Variants in DIP2C observed in about 807,000 individuals in gnomAD.
DIP2C encodes DIP2 acetate--CoA ligase C (putative).
DIP2C carries 33 observed loss-of-function variants against 192.4 expected under a neutral mutation model. That is an observed-to-expected ratio of 0.17 (90% confidence interval 0.13 to 0.23). The LOEUF is 0.23. DIP2C is among the 10% of genes least tolerant of loss of function. The pLI is 1.00. For synonymous variants in DIP2C, 979 were observed against 864.1 expected, an observed-to-expected ratio of 1.13 and a Z score of -2.33; for missense variants, 1,537 against 2,110.1, an observed-to-expected ratio of 0.73 and a Z score of 5.32.
At chr10:674,061 T>C (rs1253772731) in intron 1 of DIP2C, among the ~76,000 whole-genome samples, 1 of 152,248 alleles carries the variant, frequency 6.6e-6, no homozygotes, top group Non-Finnish European at 1.5e-5. Context: ...TTCCTTTTCA[T>C]ATTAATTTGT....
chr10:302,697 C>T (rs1956109396), intron 32 of DIP2C, among the ~76,000 whole-genome samples: 1 of 152,168 alleles, frequency 6.6e-6, no homozygotes, highest in African/African-American at 2.4e-5. Context: ...GGCTGCACAC[C>T]TGGACAACAT....
intron 1 of DIP2C, among the ~76,000 whole-genome samples, chr10:488,205 C>T (rs372991620): frequency 6.6e-6 from 1 of 152,124 alleles, no homozygotes; most frequent in East Asian, 1.9e-4. Flanking sequence ...AACTTCCATG[C>T]CCCGCATTTT....
intron 32 of DIP2C, among the ~76,000 whole-genome samples, chr10:296,163 G>A (rs566615467): frequency 6.6e-6 from 1 of 152,276 alleles, no homozygotes; most frequent in Admixed American, 6.5e-5. Context: ...TGTTGCCATT[G>A]CTTTTGGTGT....
intron 22 of DIP2C, among the ~76,000 whole-genome samples, chr10:361,222 G>A (rs1959452648): frequency 6.6e-6 from 1 of 152,018 alleles, no homozygotes; most frequent in Non-Finnish European, 1.5e-5. Context: ...TTCATTTAAT[G>A]AAGTACATTA....
chr10:627,491 G>A (rs1168480679), intron 1 of DIP2C, among the ~76,000 whole-genome samples: 2 of 152,186 alleles, frequency 1.3e-5, no homozygotes, highest in African/African-American at 4.8e-5. Flanking sequence ...TCCAGCCGCC[G>A]GTTCTCACCA....
Position 573,740 on chromosome 10 carries a change from T to C in DIP2C, c.86-87210A>G, listed in dbSNP as rs1427081942. ...TTCCTCTTTTCTTTTTAAGTGATTA[T>C]GTGCTTCAGAGTCTTGTAGGTACTT... On this transcript the variant is annotated intron_variant, in intron 1 of 36. Transcript: ENST00000280886. 2.0e-5 allele frequency among the ~76,000 whole-genome samples: 3 copies of C among 152,286 alleles called. No homozygotes were observed. The East Asian group carries it at 5.8e-4, about 29-fold the overall frequency.
At chr10:615,634 A>G (rs372364704) in intron 1 of DIP2C, among the ~76,000 whole-genome samples, 1 of 146,496 alleles carries the variant, frequency 6.8e-6, no homozygotes, top group Non-Finnish European at 1.5e-5. Flanking sequence ...CACCCGCCCC[A>G]CACACACACA....
intron 10 of DIP2C, among the ~76,000 whole-genome samples, chr10:392,326 T>A (rs1332471887): frequency 6.6e-6 from 1 of 152,192 alleles, no homozygotes; most frequent in Non-Finnish European, 1.5e-5. Flanking sequence ...CTGAGGCCAG[T>A]CGCTCATGGC....
chr10:417,836 CTGT>C, intron 6 of DIP2C, among the ~76,000 whole-genome samples: 1 of 95,864 alleles, frequency 1.0e-5, no homozygotes, highest in African/African-American at 5.3e-5. Flanking sequence ...ACAGGCCTCC[CTGT>C]CCACCTGCAC....
chr10:597,096 C>CCCAGGGCT (rs766470616), intron 1 of DIP2C, among the ~76,000 whole-genome samples: 47 of 152,322 alleles, frequency 3.1e-4, no homozygotes, highest in African/African-American at 6.5e-4. Context: ...ACCCTGTCCA[C>CCCAGGGCT]CCAGGGCTCC....
rs1176457246 is a variant in DIP2C, at chr10:687,919, G to A, written c.85+1575C>T. Among the ~76,000 whole-genome samples the A allele has an allele frequency of 7.2e-5, 11 of 152,210 alleles. No homozygotes were observed. The East Asian group carries it at 1.9e-3, about 27-fold the overall frequency. ...GCTCTGCTGACCTGGATGGGGCACT[G>A]ACACTTCACATCAGTGTGATGCAGG... On this transcript the variant is annotated intron_variant, in intron 1 of 36. Transcript: ENST00000280886.
In DIP2C at chr10:519,130, G is replaced by A. The variant is rs372218545; in HGVS notation, c.86-32600C>T. ...AGCCATTAGGGGTGAGCCCAGCTGT[G>A]CACTGGAGTCCTTGGCTCAGGTAAC... On this transcript the variant is annotated intron_variant, in intron 1 of 36. Transcript: ENST00000280886. 2.4e-3 allele frequency among the ~76,000 whole-genome samples: 366 copies of A among 152,358 alleles called. 2 individuals are homozygous for A. Among genetic ancestry groups the A allele is most frequent in the Middle Eastern group, 0.014 (4 of 294 alleles).
At chr10:593,804 A>T (rs1176485182) in intron 1 of DIP2C, among the ~76,000 whole-genome samples, 1 of 152,152 alleles carries the variant, frequency 6.6e-6, no homozygotes, top group Non-Finnish European at 1.5e-5. Flanking sequence ...AGTAAAGTCC[A>T]CAAGAAAGGG....
At chr10:326,810 G>C (rs533500302) in intron 31 of DIP2C, among the ~76,000 whole-genome samples, 196 bp downstream of exon 31, 1 of 152,314 alleles carries the variant, frequency 6.6e-6, no homozygotes, top group Admixed American at 6.5e-5. Context: ...ATGAATGCTT[G>C]TTATGAATAA....
intron 1 of DIP2C, among the ~76,000 whole-genome samples, chr10:594,844 G>A (rs997681392): frequency 2.6e-5 from 4 of 152,182 alleles, no homozygotes; most frequent in African/African-American, 4.8e-5. Flanking sequence ...CTGCTGCTGT[G>A]GACACTGCAG....
intron 31 of DIP2C, among the ~76,000 whole-genome samples, chr10:315,189 C>T (rs967791436): frequency 6.6e-6 from 1 of 152,204 alleles, no homozygotes; most frequent in Non-Finnish European, 1.5e-5. Context: ...TCTGTTATTC[C>T]TACACATGCT....
intron 4 of DIP2C, among the ~76,000 whole-genome samples, chr10:440,022 A>T (rs1967600870): frequency 6.6e-6 from 1 of 152,212 alleles, no homozygotes; most frequent in Non-Finnish European, 1.5e-5. Flanking sequence ...ACAGAAACTA[A>T]ACACCAAACA....
intron 10 of DIP2C, among the ~76,000 whole-genome samples, chr10:398,684 G>A (rs1363504743): frequency 6.6e-6 from 1 of 152,074 alleles, no homozygotes; most frequent in African/African-American, 2.4e-5. Context: ...AATTACAATG[G>A]CAAGTTTAGT....
At chr10:632,158 G>A (rs1854555550) in intron 1 of DIP2C, among the ~76,000 whole-genome samples, 1 of 152,206 alleles carries the variant, frequency 6.6e-6, no homozygotes, top group Non-Finnish European at 1.5e-5. Context: ...GGCAAACGTG[G>A]ACCACAAAAC....
Sources: allele counts gnomAD v4.1 joint callset (sites outside exome capture counted in the v4.1 genomes callset), GRCh38; gene constraint gnomAD v4.1.1; transcripts MANE v1.5; gene names NCBI Gene and HGNC (gene_info 2026-07-23, HGNC 2026-07-21).